The following SCN11A variants were observed in gnomAD, a reference collection of about 807,000 sequenced individuals.
SCN11A encodes sodium voltage-gated channel alpha subunit 11, also known as sodium channel protein type 11 subunit alpha.
SCN11A carries 122 observed loss-of-function variants against 162.2 expected under a neutral mutation model. That is an observed-to-expected ratio of 0.75 (90% CI 0.65 to 0.87). The LOEUF (loss-of-function observed/expected upper bound fraction) is 0.87. SCN11A is among the 40% of genes least tolerant of loss of function. SCN11A has a pLI of 0.00. For synonymous variants in SCN11A, 758 were observed against 751.5 expected (o/e 1.01, Z -0.14); for missense variants, 2,015 against 2,181.6 (o/e 0.92, Z 1.52).
Position 38,950,478 on chromosome 3 carries a change from A to AAAGCT in SCN11A, c.-7-114_-7-110dup, listed in dbSNP as rs1214190044. 3 of 1,163,902 alleles carry AAAGCT rather than the reference A, an allele frequency of 2.6e-6. No homozygotes were observed. In the African/African-American group the frequency reaches 4.6e-5, roughly 18 times the overall value. 72.1% of individuals were successfully genotyped at this position (1,163,902 alleles called of 1,614,324 possible). A position where few individuals can be genotyped will look rare whatever the true frequency, so the allele number is the denominator to read the frequency against. ...AAGGATGGTGTCATAAGGATCTACA[A>AAAGCT]AAGCTGAGCTGAGGTCAGGGGCCTT... On this transcript the variant is annotated intron_variant, in intron 4 of 29. Coordinates refer to ENST00000302328, the MANE Select transcript of SCN11A (RefSeq NM_001349253.2).
intron 3 of SCN11A, among the ~76,000 whole-genome samples, chr3:38,959,745 AT>A (rs2125582855): frequency 6.6e-6 from 1 of 152,366 alleles, no homozygotes; most frequent in East Asian, 1.9e-4. Context: ...AAAAAAAGAT[AT>A]CTCTTTCCCT....
intron 3 of SCN11A, among the ~76,000 whole-genome samples, chr3:38,959,208 TCC>T (rs1207069796): frequency 6.6e-6 from 1 of 152,090 alleles, no homozygotes; most frequent in Non-Finnish European, 1.5e-5. Context: ...TTTCAGAATT[TCC>T]CCCAGAAATC....
intron 16 of SCN11A, among the ~76,000 whole-genome samples, chr3:38,901,848 G>T (rs893313722): frequency 2.0e-5 from 3 of 152,192 alleles, no homozygotes; most frequent in African/African-American, 7.2e-5. Flanking sequence ...GAGCTAGGGT[G>T]CAGCTGCTGC....
intron 2 of SCN11A, among the ~76,000 whole-genome samples, chr3:39,022,315 C>T (rs1456430524): frequency 6.6e-6 from 1 of 152,112 alleles, no homozygotes; most frequent in South Asian, 2.1e-4. Flanking sequence ...GTATATTTGG[C>T]CACTGTGCTA....
Position 38,921,203 on chromosome 3 carries a change from G to T in SCN11A, c.765C>A (p.Asn255Lys). The T allele has an allele frequency of 6.2e-7, 1 of 1,614,088 alleles. No individual in the cohort carries two copies. The highest frequency in any genetic ancestry group is 8.5e-7 in the Non-Finnish European group (1 of 1,179,938). ...ALLRSVKKLV[N>K]VIILTFFCLS... ...GGCAAAAGAAGGTGAGGATAATCACGTTGACCAGCTTCTTCACAGAGCGTA... is the reference window on the plus strand; with the variant it reads ...GGCAAAAGAAGGTGAGGATAATCACTTTGACCAGCTTCTTCACAGAGCGTA... Residue 255 changes from asparagine to lysine, a missense_variant, in exon 10 of 30, where the codon AAC becomes AAA. By Grantham distance (94) the Asn-to-Lys change is moderately conservative. Coordinates refer to ENST00000302328, the MANE Select transcript of SCN11A (RefSeq NM_001349253.2).
chr3:38,905,211 G>C lies in SCN11A; in HGVS notation c.1584C>G (p.Ile528Met), dbSNP rs748663651. The change falls in exon 15 of 30, where the codon ATC (isoleucine) becomes ATG (methionine). Residue 528 changes from isoleucine to methionine, a missense_variant. Ile to Met is a conservative substitution (Grantham distance 10). Transcript: ENST00000302328. ...QRQRALSAVSILTITMKEQEK... is the reference protein window; with the variant it reads ...QRQRALSAVSMLTITMKEQEK... ...ACTTACCCTTCATGGTGATGGTGAG[G>C]ATGCTGACAGCACTCAGTGCTCTCT... The C allele has an allele frequency of 6.2e-7, 1 of 1,614,050 alleles. No homozygotes were observed. Among genetic ancestry groups the C allele is most frequent in the South Asian group, 1.1e-5 (1 of 91,066 alleles).
chr3:39,014,539 T>C (rs1390606426), intron 2 of SCN11A, among the ~76,000 whole-genome samples: 1 of 152,214 alleles, frequency 6.6e-6, no homozygotes, highest in African/African-American at 2.4e-5. Context: ...TGTCTCTCAA[T>C]TATGTCTGCC....
chr3:39,044,650 A>G (rs925430415), intron 1 of SCN11A, among the ~76,000 whole-genome samples: 19 of 152,158 alleles, frequency 1.2e-4, no homozygotes, highest in African/African-American at 4.6e-4. Context: ...ACATACCAAA[A>G]CCAATGGGAC....
intron 19 of SCN11A, among the ~76,000 whole-genome samples, chr3:38,892,219 A>G (rs568930533): frequency 8.5e-5 from 13 of 152,354 alleles, no homozygotes; most frequent in African/African-American, 3.1e-4. Flanking sequence ...AAATAATCAC[A>G]TTCCCAGAAA....
Position 38,878,849 on chromosome 3 carries a change from C to T in SCN11A, c.3393+1101G>A, listed in dbSNP as rs80173619. 2.6e-3 allele frequency among the ~76,000 whole-genome samples: 390 copies of T among 152,186 alleles called. 2 individuals carry two copies. Among genetic ancestry groups the T allele is most frequent in the African/African-American group, 9.1e-3 (376 of 41,516 alleles). The stretch of plus-strand genomic sequence containing the variant: ...ATGGTTCTCCAGTGGGGTTTCCTGA[C>T]CACATGGTTTATGCTCAGATATTTG... On this transcript the variant is annotated intron_variant, in intron 23 of 29. Coordinates refer to ENST00000302328, the MANE Select transcript of SCN11A (RefSeq NM_001349253.2).
At chr3:38,910,683 T>C (rs2065875042) in intron 11 of SCN11A, among the ~76,000 whole-genome samples, 1 of 152,182 alleles carries the variant, frequency 6.6e-6, no homozygotes, top group Non-Finnish European at 1.5e-5. Flanking sequence ...TTCAGAGCTC[T>C]TTTCATATCA....
intron 2 of SCN11A, among the ~76,000 whole-genome samples, chr3:38,988,932 A>T (rs1211507943): frequency 1.3e-5 from 2 of 152,154 alleles, no homozygotes; most frequent in African/African-American, 2.4e-5. Flanking sequence ...AAAAGGCAGT[A>T]TGTGGTTTTT....
At chr3:39,012,728 G>C (rs559429617) in intron 2 of SCN11A, among the ~76,000 whole-genome samples, 4 of 152,202 alleles carry the variant, frequency 2.6e-5, no homozygotes, top group African/African-American at 9.6e-5. Context: ...ACCTGCCTTG[G>C]CCTCCCAAAG....
chr3:38,875,761 A>G (rs1426391253), intron 23 of SCN11A, among the ~76,000 whole-genome samples: 1 of 152,212 alleles, frequency 6.6e-6, no homozygotes, highest in Non-Finnish European at 1.5e-5. Context: ...GGTAGAATCA[A>G]CATTGTGAAA....
intron 10 of SCN11A, 83 bp downstream of exon 10, chr3:38,920,993 G>T: frequency 7.9e-7 from 1 of 1,267,190 alleles, no homozygotes; most frequent in African/African-American, 1.5e-5. Flanking sequence ...CTCTGTAAGG[G>T]AAGTGTGAAG....
chr3:38,914,789 T>G (rs2065936257), intron 11 of SCN11A, among the ~76,000 whole-genome samples: 1 of 152,208 alleles, frequency 6.6e-6, no homozygotes, highest in African/African-American at 2.4e-5. Flanking sequence ...TTTATTGATT[T>G]GCATATGTTG....
intron 2 of SCN11A, among the ~76,000 whole-genome samples, chr3:39,027,118 A>T (rs1178509985): frequency 6.6e-6 from 1 of 152,196 alleles, no homozygotes; most frequent in African/African-American, 2.4e-5. Flanking sequence ...CTAGAAAAAA[A>T]AAATGTCCAG....
intron 2 of SCN11A, among the ~76,000 whole-genome samples, chr3:39,003,248 T>C (rs904926345): frequency 6.6e-6 from 1 of 152,208 alleles, no homozygotes; most frequent in Non-Finnish European, 1.5e-5. Context: ...GTTCTCATCA[T>C]TTAGCTTCCA....
chr3:39,001,366 G>A (rs116093056), intron 2 of SCN11A, among the ~76,000 whole-genome samples: 109 of 152,278 alleles, frequency 7.2e-4, no homozygotes, highest in African/African-American at 2.3e-3. Context: ...AAATAAATAC[G>A]ATTATATAAT....
Sources: gnomAD v4.1 joint callset for allele counts (sites outside exome capture counted in the v4.1 genomes callset) on GRCh38, gnomAD v4.1.1 for gene constraint, MANE v1.5 for transcripts, NCBI Gene and HGNC (gene_info 2026-07-23, HGNC 2026-07-21) for gene names.